The following MYRIP variants were observed in gnomAD, a reference collection of about 807,000 sequenced individuals.
MYRIP encodes rab effector MyRIP.
In MYRIP, 49 loss-of-function variants were observed where a neutral mutation model predicts 98.0. That is an observed-to-expected ratio of 0.50 (90% CI 0.40 to 0.63). MYRIP has a LOEUF of 0.63. Among genes scored for constraint, MYRIP ranks in the 30% least tolerant of loss-of-function variants. The probability of loss-of-function intolerance (pLI) is 0.00; values close to 1 mark genes in which losing one functional copy is unlikely to be tolerated. For synonymous variants in MYRIP, 404 were observed against 409.5 expected (o/e 0.99, Z 0.16); for missense variants, 1,004 against 1,058.2 (o/e 0.95, Z 0.71).
In MYRIP at chr3:39,972,837, C is replaced by T. The variant is rs988227204; in HGVS notation, c.111-71213C>T. ...AGTGAAGCTAGGGTACATTGACGGGCTTCTTCTTTGGACCAAAAAATAGTC... is the reference window on the plus strand; with the variant it reads ...AGTGAAGCTAGGGTACATTGACGGGTTTCTTCTTTGGACCAAAAAATAGTC... On this transcript the variant is annotated intron_variant, in intron 2 of 16. Coordinates refer to ENST00000302541, the MANE Select transcript of MYRIP (RefSeq NM_015460.4). Among the ~76,000 whole-genome samples the T allele has an allele frequency of 6.6e-5, 10 of 150,958 alleles. 1 individual carries two copies. The highest frequency in any genetic ancestry group is 2.4e-4 in the African/African-American group (10 of 41,112).
intron 10 of MYRIP, among the ~76,000 whole-genome samples, chr3:40,198,837 T>C (rs927788789): frequency 6.6e-6 from 1 of 152,208 alleles, no homozygotes; most frequent in South Asian, 2.1e-4. Context: ...TAACTAACCA[T>C]CTGTAAATAT....
intron 16 of MYRIP, among the ~76,000 whole-genome samples, chr3:40,253,827 T>C (rs1015504088): frequency 1.5e-4 from 23 of 152,208 alleles, no homozygotes; most frequent in Admixed American, 6.5e-5. Context: ...TATATACCTC[T>C]TTAATATGTG....
At chr3:40,033,803 G>A (rs6780770) in intron 2 of MYRIP, among the ~76,000 whole-genome samples, 75,836 of 151,814 alleles carry the variant, frequency 0.5, 20,609 homozygotes, top group East Asian at 0.67. Flanking sequence ...GAGGCATCAC[G>A]CTACCTGACT....
At chr3:39,969,624 G>A (rs1945528083) in intron 2 of MYRIP, among the ~76,000 whole-genome samples, 1 of 152,084 alleles carries the variant, frequency 6.6e-6, no homozygotes, top group Non-Finnish European at 1.5e-5. Flanking sequence ...TGAATCACAT[G>A]TAATGATGTG....
chr3:39,848,274 T>A (rs913383223), intron 1 of MYRIP, among the ~76,000 whole-genome samples: 2 of 152,250 alleles, frequency 1.3e-5, no homozygotes, highest in Admixed American at 1.3e-4. Context: ...CTGCTTCATA[T>A]GTCATTGAAT....
chr3:39,986,443 C>CT (rs1559549121), intron 2 of MYRIP, among the ~76,000 whole-genome samples: 15 of 144,322 alleles, frequency 1.0e-4, no homozygotes, highest in African/African-American at 3.1e-4. Context: ...TCTTTCTCTC[C>CT]CTCTCTCTCT....
chr3:40,248,185 T>C (rs531131805), intron 13 of MYRIP: 14 of 152,366 alleles, frequency 9.2e-5, no homozygotes, highest in African/African-American at 3.4e-4. Flanking sequence ...TCAACTTACT[T>C]AGAGTCTACT....
chr3:39,818,412 G>T (rs1253862541), intron 1 of MYRIP, among the ~76,000 whole-genome samples: 1 of 152,148 alleles, frequency 6.6e-6, no homozygotes, highest in Non-Finnish European at 1.5e-5. Flanking sequence ...GAGGCAGAAT[G>T]TATCTGCATA....
At chr3:40,095,242 C>T (rs550914790) in intron 3 of MYRIP, among the ~76,000 whole-genome samples, 19 of 152,318 alleles carry the variant, frequency 1.2e-4, no homozygotes, top group Admixed American at 7.8e-4. Flanking sequence ...TCCTCTGACT[C>T]TGACTTCCCA....
intron 8 of MYRIP, 110 bp from the exon 9 acceptor site, chr3:40,182,110 T>A: frequency 8.2e-7 from 1 of 1,212,956 alleles, no homozygotes; most frequent in Non-Finnish European, 1.1e-6. Context: ...GCCATTACCA[T>A]TAAACATGTT....
In MYRIP at chr3:40,250,422, T is replaced by C. The variant is rs767921888; in HGVS notation, c.2368-17T>C. On this transcript the variant is annotated splice_polypyrimidine_tract_variant and intron_variant, in intron 14 of 16. Coordinates refer to ENST00000302541, the MANE Select transcript of MYRIP (RefSeq NM_015460.4). Reference sequence around the variant, plus strand: ...TGGCTCTGCAAAGGTATATTGCTCATTGTGTTCTGTTTGTAGGTACAAACC... The same window carrying C: ...TGGCTCTGCAAAGGTATATTGCTCACTGTGTTCTGTTTGTAGGTACAAACC... The C allele has an allele frequency of 6.2e-7, 1 of 1,614,130 alleles. No homozygotes were observed. The highest frequency in any genetic ancestry group is 8.5e-7 in the Non-Finnish European group (1 of 1,180,000).
At chr3:39,870,979 A>G (rs1313063659) in intron 1 of MYRIP, among the ~76,000 whole-genome samples, 1 of 152,224 alleles carries the variant, frequency 6.6e-6, no homozygotes, top group Non-Finnish European at 1.5e-5. Context: ...GATGAAGTGT[A>G]TATACTAGCT....
At position 40,196,523 on chromosome 3, in the gene MYRIP, G is replaced by C. The variant is rs552874939; in HGVS notation, c.1665+6060G>C. Reference sequence around the variant, plus strand: ...TGCTTTGTTTTTGCATTTTGTTTTGGTTTTGTCACTAATTTTTAGTATGCA... The same window carrying C: ...TGCTTTGTTTTTGCATTTTGTTTTGCTTTTGTCACTAATTTTTAGTATGCA... On this transcript the variant is annotated intron_variant, in intron 10 of 16. Transcript: ENST00000302541. Among the ~76,000 whole-genome samples, 8 of 152,118 alleles carry C rather than the reference G, an allele frequency of 5.3e-5. No individual in the cohort carries two copies. The South Asian group carries it at 1.7e-3, about 32-fold the overall frequency.
intron 1 of MYRIP, among the ~76,000 whole-genome samples, chr3:39,820,912 C>T (rs1265934869): frequency 6.6e-6 from 1 of 152,096 alleles, no homozygotes; most frequent in African/African-American, 2.4e-5. Flanking sequence ...GATGCATGTT[C>T]TTCCCACTCC....
chr3:39,979,655 C>CAAAAAAAAAAAAAAAAAAAAAAAA (rs56328162), intron 2 of MYRIP, among the ~76,000 whole-genome samples: 1 of 131,136 alleles, frequency 7.6e-6, no homozygotes. Flanking sequence ...CAAAACAAAA[C>CAAAAAAAAAAAAAAAAAAAAAAAA]AAAAAAAAAA....
At chr3:40,156,893 G>T (rs1000610965) in intron 4 of MYRIP, among the ~76,000 whole-genome samples, 2 of 151,424 alleles carry the variant, frequency 1.3e-5, no homozygotes, top group Non-Finnish European at 3.0e-5. Context: ...GGAGATTTTG[G>T]GCTGAGACAA....
chr3:40,064,613 C>T (rs1000226877), intron 3 of MYRIP, among the ~76,000 whole-genome samples: 2 of 152,182 alleles, frequency 1.3e-5, no homozygotes, highest in Admixed American at 1.3e-4. Flanking sequence ...TATAGCAAGA[C>T]AGGCAAGGAC....
intron 9 of MYRIP, among the ~76,000 whole-genome samples, chr3:40,183,893 C>G (rs1451542116): frequency 2.0e-5 from 3 of 152,154 alleles, no homozygotes; most frequent in Non-Finnish European, 4.4e-5. Context: ...ACTATAGAAA[C>G]AAAATCCATT....
At chr3:40,005,455 C>T (rs1448409611) in intron 2 of MYRIP, among the ~76,000 whole-genome samples, 1 of 152,230 alleles carries the variant, frequency 6.6e-6, no homozygotes, top group Non-Finnish European at 1.5e-5. Context: ...CTTTATTGGC[C>T]ATTATACTTG....
Sources: allele counts gnomAD v4.1 joint callset (sites outside exome capture counted in the v4.1 genomes callset), GRCh38; gene constraint gnomAD v4.1.1; transcripts MANE v1.5; gene names NCBI Gene and HGNC (gene_info 2026-07-23, HGNC 2026-07-21).